The following TADA2A variants were observed in gnomAD, a reference collection of about 807,000 sequenced individuals.
TADA2A encodes transcriptional adaptor 2A.
TADA2A carries 38 observed loss-of-function variants against 67.4 expected under a neutral mutation model. That is an observed-to-expected ratio of 0.56 (90% CI 0.44 to 0.74). The LOEUF is 0.74. TADA2A is among the 30% of genes least tolerant of loss of function. The probability of loss-of-function intolerance (pLI) is 0.00; values close to 1 mark genes in which losing one functional copy is unlikely to be tolerated. For missense variants in TADA2A, 454 were observed against 547.0 expected (o/e 0.83, Z 1.70); for synonymous variants, 192 against 181.6 (o/e 1.06, Z -0.46).
chr17:37,455,261 A>G (rs1177814181), intron 8 of TADA2A, among the ~76,000 whole-genome samples: 1 of 151,044 alleles, frequency 6.6e-6, no homozygotes, highest in Admixed American at 6.6e-5. Context: ...ATTTTCTTCT[A>G]GCGTTGTTAC....
In TADA2A at chr17:37,440,665, A is replaced by C. The variant is rs1248157839; in HGVS notation, c.442+3A>C. 6.2e-7 allele frequency: 1 copy of C among 1,614,150 alleles called. No individual in the cohort carries two copies. The highest frequency in any genetic ancestry group is 1.1e-5 in the South Asian group (1 of 91,086). On this transcript the variant is annotated splice_donor_region_variant and intron_variant, in intron 6 of 15. Coordinates refer to ENST00000615182, the MANE Select transcript of TADA2A (RefSeq NM_001166105.3). ...TGACACAGCCATTCCATTTCACTGT[A>C]AGTGCCTCCCTATCTTGATAAGATA...
chr17:37,413,025 T>A (rs1400373946), intron 2 of TADA2A, among the ~76,000 whole-genome samples: 2 of 151,858 alleles, frequency 1.3e-5, no homozygotes, highest in African/African-American at 4.8e-5. Context: ...CCTCCCGGGT[T>A]CAAGCAATTC....
At chr17:37,472,516 C>T (rs1435736492) in intron 14 of TADA2A, among the ~76,000 whole-genome samples, 4 of 152,082 alleles carry the variant, frequency 2.6e-5, no homozygotes, top group Non-Finnish European at 5.9e-5. Flanking sequence ...TGCCAACACT[C>T]TACCCCCAAA....
At chr17:37,412,833 G>C (rs527437320) in intron 2 of TADA2A, among the ~76,000 whole-genome samples, 2 of 151,950 alleles carry the variant, frequency 1.3e-5, no homozygotes, top group South Asian at 4.2e-4. Flanking sequence ...GAATATATGA[G>C]ATTTGGCAGA....
intron 15 of TADA2A, 111 bp downstream of exon 15, chr17:37,474,740 T>A: frequency 8.7e-7 from 1 of 1,154,912 alleles, no homozygotes; most frequent in Non-Finnish European, 1.2e-6. Flanking sequence ...TCATCTAACA[T>A]ATATGCACAG....
At chr17:37,448,327 G>A (rs979024541) in intron 8 of TADA2A, among the ~76,000 whole-genome samples, 6 of 152,116 alleles carry the variant, frequency 3.9e-5, no homozygotes, top group African/African-American at 1.4e-4. Context: ...ACAATGGAGG[G>A]ATAATTGTAT....
intron 4 of TADA2A, among the ~76,000 whole-genome samples, chr17:37,429,311 T>G (rs370201403): frequency 2.6e-5 from 4 of 152,298 alleles, no homozygotes; most frequent in South Asian, 4.1e-4. Flanking sequence ...GTCTCTCTAC[T>G]TTAAGGTCAG....
intron 4 of TADA2A, among the ~76,000 whole-genome samples, chr17:37,432,398 C>G (rs1167524477): frequency 1.3e-5 from 2 of 151,582 alleles, no homozygotes; most frequent in East Asian, 3.9e-4. Flanking sequence ...AACCCCTGAC[C>G]TCAGGTGATC....
chr17:37,458,173 T>C (rs1780761714), intron 8 of TADA2A, among the ~76,000 whole-genome samples: 1 of 152,160 alleles, frequency 6.6e-6, no homozygotes, highest in Non-Finnish European at 1.5e-5. Flanking sequence ...TGAGAACATG[T>C]GGTATTTGGT....
At chr17:37,412,737 C>G (rs1408717492) in intron 2 of TADA2A, among the ~76,000 whole-genome samples, 1 of 150,914 alleles carries the variant, frequency 6.6e-6, no homozygotes, top group Admixed American at 6.6e-5. Context: ...AAACCAAGAT[C>G]ATGCCACTGC....
intron 3 of TADA2A, among the ~76,000 whole-genome samples, chr17:37,424,758 G>A (rs1234559258): frequency 6.6e-6 from 1 of 152,150 alleles, no homozygotes; most frequent in Non-Finnish European, 1.5e-5. Flanking sequence ...GTTTCTCCAC[G>A]TTGGTCAGGC....
chr17:37,455,404 C>T (rs916288729), intron 8 of TADA2A, among the ~76,000 whole-genome samples: 2 of 149,192 alleles, frequency 1.3e-5, no homozygotes, highest in Non-Finnish European at 3.0e-5. Context: ...TTTTTTGAGA[C>T]GGAGTCTCAC....
At chr17:37,466,843 G>C (rs1235001617) in intron 11 of TADA2A, among the ~76,000 whole-genome samples, 1 of 152,156 alleles carries the variant, frequency 6.6e-6, no homozygotes, top group Non-Finnish European at 1.5e-5. Context: ...AGTTAGAGCA[G>C]GGAAACTTGG....
chr17:37,456,893 T>C (rs11872046), intron 8 of TADA2A, among the ~76,000 whole-genome samples: 35,125 of 151,878 alleles, frequency 0.23, 4,166 homozygotes, highest in Middle Eastern at 0.35. Context: ...GATAAAACTT[T>C]TACTATTTAC....
rs139049163 is a variant in TADA2A at position 37,465,372 on chromosome 17, T to A, written c.713-59T>A. 2.1e-5 allele frequency: 28 copies of A among 1,356,968 alleles called. No homozygotes were observed. The Admixed American group carries it at 4.4e-4, about 21-fold the overall frequency. 84.1% of individuals were successfully genotyped at this position (1,356,968 alleles called of 1,614,324 possible). A position where few individuals can be genotyped will look rare whatever the true frequency, so the allele number is the denominator to read the frequency against. The stretch of plus-strand genomic sequence containing the variant: ...ACTAATTGTAAAAAAAAAAAAATGC[T>A]GAAAACTCAGGGATCCTTACATTTC... On this transcript the variant is annotated intron_variant, in intron 10 of 15. Transcript: ENST00000615182.
At position 37,477,037 on chromosome 17, in the gene TADA2A, G is replaced by A; in HGVS notation, c.*55G>A. ...AAGTTTGGAATGTGGTGGGTCAAAG[G>A]ACAATATGGGTGGGCATTCTGGAGA... On this transcript the variant is annotated 3_prime_UTR_variant, in exon 16 of 16. Coordinates refer to ENST00000615182, the MANE Select transcript of TADA2A (RefSeq NM_001166105.3). The A allele has an allele frequency of 6.5e-7, 1 of 1,527,304 alleles. No individual in the cohort carries two copies. Among genetic ancestry groups the A allele is most frequent in the East Asian group, 2.3e-5 (1 of 43,854 alleles). 94.6% of individuals were successfully genotyped at this position (1,527,304 alleles called of 1,614,324 possible).
chr17:37,465,475 A>G lies in TADA2A; in HGVS notation c.757A>G (p.Thr253Ala). ...CAAGGAGGTCCAGGACCTGTATGAA[A>G]CAATGAGGCGATTTGCAAGAATTGT... ...YPKEVQDLYE[T>A]MRRFARIVGP... The change falls in exon 11 of 16, where the codon ACA becomes GCA. Residue 253 changes from threonine (T) to alanine (A), a missense_variant. Transcript: ENST00000615182. The G allele has an allele frequency of 6.2e-7, 1 of 1,614,190 alleles. No individual in the cohort carries two copies. Among genetic ancestry groups the G allele is most frequent in the Non-Finnish European group, 8.5e-7 (1 of 1,180,034 alleles).
At chr17:37,426,224 A>C (rs2052400578) in intron 3 of TADA2A, 1 of 152,120 alleles carries the variant, frequency 6.6e-6, no homozygotes, top group South Asian at 2.1e-4. Context: ...AGGCTATATG[A>C]TTGTGATTCC....
chr17:37,471,247 GTAACAGTA>G, intron 14 of TADA2A, 110 bp downstream of exon 14: 1 of 1,112,498 alleles, frequency 9.0e-7, no homozygotes, highest in South Asian at 1.3e-5. Context: ...CTTAGGCAGA[GTAACAGTA>G]ATCAAGTGTT....
Sources: allele counts gnomAD v4.1 joint callset (sites outside exome capture counted in the v4.1 genomes callset), GRCh38; gene constraint gnomAD v4.1.1; transcripts MANE v1.5; gene names NCBI Gene and HGNC (gene_info 2026-07-23, HGNC 2026-07-21).